The following GYG1 variants were observed in gnomAD, a reference collection of about 807,000 sequenced individuals.
The protein encoded by GYG1 is glycogenin-1.
A neutral mutation model predicts 41.9 loss-of-function variants in GYG1; 44 were observed. That is an observed-to-expected ratio of 1.05 (90% CI 0.83 to 1.35). GYG1 has a LOEUF of 1.35. Among genes scored for constraint, GYG1 ranks in the 40% most tolerant of loss-of-function variants. The pLI is 0.00. For synonymous variants in GYG1, 141 were observed against 158.1 expected, an observed-to-expected ratio of 0.89 and a Z score of 0.81; for missense variants, 429 against 418.9, an observed-to-expected ratio of 1.02 and a Z score of -0.21.
In GYG1 at chr3:149,030,944, A is replaced by C. The variant is rs1714964986; in HGVS notation, c.*4011A>C. On this transcript the variant is annotated 3_prime_UTR_variant, in exon 8 of 8. Coordinates refer to ENST00000345003, the MANE Select transcript of GYG1 (RefSeq NM_004130.4). ...ATCTTTCTATCAAATGACTTCCAAC[A>C]CTCTTAAGTCTCAGGTATTCTTAAA... 1 of 151,974 alleles carries C rather than the reference A, an allele frequency of 6.6e-6. No individual in the cohort carries two copies. The highest frequency in any genetic ancestry group is 2.4e-5 in the African/African-American group (1 of 41,370). 9.4% of individuals were successfully genotyped at this position (151,974 alleles called of 1,614,324 possible).
At position 149,029,068 on chromosome 3, in the gene GYG1, A is replaced by G. The variant is rs1714815023; in HGVS notation, c.*2135A>G. On this transcript the variant is annotated 3_prime_UTR_variant, in exon 8 of 8. Coordinates refer to ENST00000345003, the MANE Select transcript of GYG1 (RefSeq NM_004130.4). Reference sequence around the variant, plus strand: ...AAGGCTATTATTAACTTTTGGAATCAGAAAGAATGACAAGCTTACCATAAG... The same window carrying G: ...AAGGCTATTATTAACTTTTGGAATCGGAAAGAATGACAAGCTTACCATAAG... Among the ~76,000 whole-genome samples, 1 of 152,204 alleles carries G rather than the reference A, an allele frequency of 6.6e-6. No individual in the cohort carries two copies. The highest frequency in any genetic ancestry group is 2.4e-5 in the African/African-American group (1 of 41,436).
intron 1 of GYG1, chr3:148,992,536 C>T (rs1260989109): frequency 6.6e-6 from 1 of 152,268 alleles, no homozygotes; most frequent in Admixed American, 6.5e-5. Context: ...CATATCCTTG[C>T]TTCCAGAAAT....
At chr3:149,001,330 A>G (rs983604564) in intron 4 of GYG1, 7 of 152,244 alleles carry the variant, frequency 4.6e-5, no homozygotes, top group African/African-American at 1.7e-4. Flanking sequence ...GATAATAAGT[A>G]TCTTGAGGAA....
intron 4 of GYG1, among the ~76,000 whole-genome samples, chr3:149,008,520 T>G (rs1347899002): frequency 6.6e-6 from 1 of 152,200 alleles, no homozygotes; most frequent in East Asian, 1.9e-4. Flanking sequence ...TGTGCACCCC[T>G]CAGATATTGG....
intron 1 of GYG1, 35 bp downstream of exon 1, chr3:148,991,682 G>A (rs947634580): frequency 3.6e-5 from 54 of 1,490,028 alleles, no homozygotes; most frequent in Non-Finnish European, 4.1e-5. Flanking sequence ...CCAGCCCCGG[G>A]ACCCCGGCTT....
At chr3:149,000,690 A>C (rs1713044935) in intron 4 of GYG1, among the ~76,000 whole-genome samples, 1 of 152,232 alleles carries the variant, frequency 6.6e-6, no homozygotes, top group South Asian at 2.1e-4. Flanking sequence ...AGTCAGAGGA[A>C]TTCATATTTT....
chr3:149,001,208 A>G (rs968639805), intron 4 of GYG1: 2 of 152,180 alleles, frequency 1.3e-5, no homozygotes, highest in Non-Finnish European at 2.9e-5. Flanking sequence ...TTATCTTCCC[A>G]TGGTGACTTC....
chr3:149,009,294 T>C lies in GYG1; in HGVS notation c.500T>C (p.Leu167Pro). 6.2e-7 allele frequency: 1 copy of C among 1,612,956 alleles called. No individual in the cohort carries two copies. The highest frequency in any genetic ancestry group is 8.5e-7 in the Non-Finnish European group (1 of 1,178,898). ...GSFDGGDQGILNTFFSSWATT... is the reference protein window; with the variant it reads ...GSFDGGDQGIPNTFFSSWATT... ...CTTTTAGGTGGGGACCAAGGCATACTGAACACATTTTTTAGCAGCTGGGCA... is the reference window on the plus strand; with the variant it reads ...CTTTTAGGTGGGGACCAAGGCATACCGAACACATTTTTTAGCAGCTGGGCA... Residue 167 changes from leucine to proline, a missense_variant, in exon 5 of 8, where the codon CTG becomes CCG. Transcript: ENST00000345003.
chr3:148,996,422 C>A lies in GYG1; in HGVS notation c.264C>A (p.His88Gln), dbSNP rs1576537935. Residue 88 changes from histidine (H) to glutamine (Q), a missense_variant, in exon 3 of 8, where the codon CAC becomes CAA. Transcript: ENST00000345003. ...PELGVTLTKL[H>Q]CWSLTQYSKC... ...TGGGTGTCACGCTGACAAAGCTCCA[C>A]TGCTGGTCGCTTACACAGTATTCAA... 6.2e-7 allele frequency: 1 copy of A among 1,613,978 alleles called. No individual in the cohort carries two copies. Among genetic ancestry groups the A allele is most frequent in the East Asian group, 2.2e-5 (1 of 44,888 alleles).
At position 149,031,647 on chromosome 3, in the gene GYG1, G is replaced by C. The variant is rs1715061650; in HGVS notation, c.*4714G>C. 6.6e-6 allele frequency: 1 copy of C among 152,104 alleles called. No individual in the cohort carries two copies. The highest frequency in any genetic ancestry group is 1.5e-5 in the Non-Finnish European group (1 of 67,996). The allele number at this position is 152,104 out of a possible 1,614,324, so 9.4% of individuals were successfully genotyped here. On this transcript the variant is annotated 3_prime_UTR_variant, in exon 8 of 8. Coordinates refer to ENST00000345003, the MANE Select transcript of GYG1 (RefSeq NM_004130.4). ...ACATAAAACTCCAAGTCATTTATGTGAACTATATCTCAATGTAGCTGTAGG... is the reference window on the plus strand; with the variant it reads ...ACATAAAACTCCAAGTCATTTATGTCAACTATATCTCAATGTAGCTGTAGG...
intron 4 of GYG1, among the ~76,000 whole-genome samples, chr3:149,002,752 G>A (rs1013740465): frequency 2.0e-5 from 3 of 152,182 alleles, no homozygotes; most frequent in Non-Finnish European, 4.4e-5. Context: ...CAGGCGCAGT[G>A]GCTCACACCT....
At chr3:149,001,277 T>A (rs1713081693) in intron 4 of GYG1, 1 of 152,228 alleles carries the variant, frequency 6.6e-6, no homozygotes, top group Non-Finnish European at 1.5e-5. Flanking sequence ...GTTTTGGAAA[T>A]GACTGTGTTC....
At position 149,022,795 on chromosome 3, in the gene GYG1, G is replaced by T. The variant is rs536674042; in HGVS notation, c.609-1258G>T. ...AGGTGTAAGCCACCGTACCCGGCCTGTTTTGACTTTATGTAAGTGGAATCA... is the reference window on the plus strand; with the variant it reads ...AGGTGTAAGCCACCGTACCCGGCCTTTTTTGACTTTATGTAAGTGGAATCA... On this transcript the variant is annotated intron_variant, in intron 5 of 7. Coordinates refer to ENST00000345003, the MANE Select transcript of GYG1 (RefSeq NM_004130.4). Among the ~76,000 whole-genome samples the T allele has an allele frequency of 2.0e-5, 3 of 152,052 alleles. No individual in the cohort carries two copies. In the South Asian group the frequency reaches 6.2e-4, roughly 32 times the overall value.
intron 5 of GYG1, among the ~76,000 whole-genome samples, chr3:149,019,414 C>T (rs933137093): frequency 6.6e-6 from 1 of 152,188 alleles, no homozygotes; most frequent in African/African-American, 2.4e-5. Flanking sequence ...CTGCTCACCT[C>T]TCCCATCTCT....
chr3:148,999,636 G>T (rs1012764221), intron 4 of GYG1, among the ~76,000 whole-genome samples: 1 of 152,120 alleles, frequency 6.6e-6, no homozygotes, highest in African/African-American at 2.4e-5. Flanking sequence ...TATGGACAAT[G>T]ACTTTGTCTA....
intron 5 of GYG1, among the ~76,000 whole-genome samples, chr3:149,011,332 C>A (rs1713708841): frequency 6.6e-6 from 1 of 152,130 alleles, no homozygotes; most frequent in African/African-American, 2.4e-5. Context: ...ACAGTGTGAC[C>A]CCTAGAGCCG....
intron 1 of GYG1, among the ~76,000 whole-genome samples, chr3:148,993,372 G>A (rs769126096): frequency 7.9e-5 from 12 of 152,050 alleles, no homozygotes; most frequent in Non-Finnish European, 1.8e-4. Flanking sequence ...AGAAAAGCAG[G>A]CAGTTGTTTA....
chr3:149,002,595 A>G (rs1713155332), intron 4 of GYG1, among the ~76,000 whole-genome samples: 1 of 152,186 alleles, frequency 6.6e-6, no homozygotes, highest in South Asian at 2.1e-4. Context: ...GGTTAATCTA[A>G]TGATCCTCAG....
intron 5 of GYG1, among the ~76,000 whole-genome samples, chr3:149,012,033 C>T (rs896857692): frequency 6.6e-6 from 1 of 152,216 alleles, no homozygotes; most frequent in African/African-American, 2.4e-5. Context: ...TTTCCCTTCC[C>T]TCTGCCAGAA....
Sources: allele counts gnomAD v4.1 joint callset (sites outside exome capture counted in the v4.1 genomes callset), GRCh38; gene constraint gnomAD v4.1.1; transcripts MANE v1.5; gene names NCBI Gene and HGNC (gene_info 2026-07-23, HGNC 2026-07-21).